LINGO2: variants seen among roughly 807,000 people sequenced by gnomAD.
The protein encoded by LINGO2 is leucine rich repeat and Ig domain containing 2.
In LINGO2, 14 loss-of-function variants were observed where a neutral mutation model predicts 30.6. That is an observed-to-expected ratio of 0.46 (90% CI 0.30 to 0.72). The LOEUF is 0.72. Ranked by LOEUF, LINGO2 falls within the 30% of genes least tolerant of loss-of-function variation. The pLI, the probability that LINGO2 is intolerant of heterozygous loss-of-function variation, is 0.07. For synonymous variants in LINGO2, 317 were observed against 288.5 expected (o/e 1.10, Z -1.00); for missense variants, 729 against 751.7 (o/e 0.97, Z 0.35).
chr9:28,009,950 C>A (rs1368266610), intron 5 of LINGO2, among the ~76,000 whole-genome samples: 1 of 152,006 alleles, frequency 6.6e-6, no homozygotes, highest in South Asian at 2.1e-4. Context: ...TTCATAATAG[C>A]CAAAAAGTAG....
intron 1 of LINGO2, among the ~76,000 whole-genome samples, chr9:28,558,498 G>T (rs1037950564): frequency 1.3e-5 from 2 of 152,026 alleles, no homozygotes; most frequent in African/African-American, 4.8e-5. Context: ...GGGGAATAAA[G>T]TTCTTCTTTT....
the LINGO2 span, among the ~76,000 whole-genome samples, chr9:28,788,145 T>C: frequency 6.6e-6 from 1 of 152,166 alleles, no homozygotes; most frequent in Non-Finnish European, 1.5e-5. Flanking sequence ...AAGACAGATA[T>C]TTCCTTAAGA....
chr9:28,416,991 C>T (rs1822993527), intron 2 of LINGO2, among the ~76,000 whole-genome samples: 1 of 151,972 alleles, frequency 6.6e-6, no homozygotes, highest in Non-Finnish European at 1.5e-5. Flanking sequence ...TAGAAATACA[C>T]AATTTATTGC....
the LINGO2 span, among the ~76,000 whole-genome samples, chr9:28,759,598 C>T: frequency 4.0e-5 from 6 of 151,552 alleles, no homozygotes; most frequent in Non-Finnish European, 5.9e-5. Flanking sequence ...AGGAGAATGG[C>T]GTGAACCCGG....
chr9:27,987,031 G>A (rs1353834449), intron 5 of LINGO2, among the ~76,000 whole-genome samples: 1 of 151,308 alleles, frequency 6.6e-6, no homozygotes, highest in Non-Finnish European at 1.5e-5. Context: ...ACTTATGGTC[G>A]ACTTTTTTTT....
chr9:29,122,319 C>T, the LINGO2 span, among the ~76,000 whole-genome samples: 1 of 151,900 alleles, frequency 6.6e-6, no homozygotes, highest in Non-Finnish European at 1.5e-5. Context: ...GTATACAATA[C>T]TTTTTACTCT....
At chr9:28,720,451 C>T in the LINGO2 span, among the ~76,000 whole-genome samples, 1 of 152,062 alleles carries the variant, frequency 6.6e-6, no homozygotes, top group Non-Finnish European at 1.5e-5. Context: ...GACTGTGCCA[C>T]CAATCTGAAT....
At chr9:28,420,066 A>G (rs1308673394) in intron 2 of LINGO2, among the ~76,000 whole-genome samples, 1 of 152,120 alleles carries the variant, frequency 6.6e-6, no homozygotes. Context: ...ACTGAGGAAG[A>G]ATAGAATTCA....
the LINGO2 span, among the ~76,000 whole-genome samples, chr9:28,731,241 G>A: frequency 1.3e-5 from 2 of 151,956 alleles, no homozygotes; most frequent in African/African-American, 4.8e-5. Flanking sequence ...CACCCGCCTC[G>A]GCCTCCCAAG....
chr9:28,162,548 A>T (rs1222606653), intron 4 of LINGO2, among the ~76,000 whole-genome samples: 2 of 152,154 alleles, frequency 1.3e-5, no homozygotes, highest in Non-Finnish European at 2.9e-5. Flanking sequence ...TGAAGGATAA[A>T]ATGCTTGAGA....
intron 1 of LINGO2, among the ~76,000 whole-genome samples, chr9:28,652,517 C>T (rs1438472): frequency 0.38 from 57,023 of 151,816 alleles, 11,970 homozygotes; most frequent in African/African-American, 0.55. Context: ...GTTTCCAATA[C>T]ATACAGGTTC....
At chr9:28,461,057 T>C (rs868551929) in intron 2 of LINGO2, among the ~76,000 whole-genome samples, 4 of 152,276 alleles carry the variant, frequency 2.6e-5, no homozygotes, top group Middle Eastern at 6.8e-3. Context: ...GTCTTTCTTC[T>C]TTATCATCAT....
chr9:29,126,459 C>G, the LINGO2 span, among the ~76,000 whole-genome samples: 1 of 152,006 alleles, frequency 6.6e-6, no homozygotes, highest in African/African-American at 2.4e-5. Flanking sequence ...TTTTGGGGTA[C>G]TTATGAAATT....
At chr9:29,162,370 A>G in the LINGO2 span, among the ~76,000 whole-genome samples, 1 of 152,228 alleles carries the variant, frequency 6.6e-6, no homozygotes, top group East Asian at 1.9e-4. Flanking sequence ...CACTTTATGA[A>G]TTCATGTTTG....
chr9:28,363,645 C>T (rs1316237299), intron 3 of LINGO2, among the ~76,000 whole-genome samples: 2 of 152,064 alleles, frequency 1.3e-5, no homozygotes, highest in East Asian at 1.9e-4. Flanking sequence ...AGCGGAGTCA[C>T]TATCTTTAGC....
At chr9:28,411,157 AT>A (rs5897297) in intron 2 of LINGO2, among the ~76,000 whole-genome samples, 63,255 of 151,562 alleles carry the variant, frequency 0.42, 13,476 homozygotes, top group African/African-American at 0.46. Context: ...AAATGTATGG[AT>A]TTTTTTTTAA....
chr9:28,756,713 T>C, the LINGO2 span, among the ~76,000 whole-genome samples: 5 of 151,966 alleles, frequency 3.3e-5, no homozygotes, highest in Admixed American at 6.5e-5. Context: ...ATGGTTCTGA[T>C]GGTTTTATTA....
intron 5 of LINGO2, among the ~76,000 whole-genome samples, chr9:28,009,889 AC>A (rs1359571679): frequency 8.5e-5 from 13 of 152,238 alleles, no homozygotes; most frequent in Non-Finnish European, 1.6e-4. Context: ...AAGAGAAGTA[AC>A]AATAAATATC....
intron 1 of LINGO2, among the ~76,000 whole-genome samples, chr9:28,602,831 C>CA (rs1276551394): frequency 1.1e-4 from 17 of 152,038 alleles, no homozygotes; most frequent in Middle Eastern, 3.2e-3. Flanking sequence ...ACATCTGTGT[C>CA]ACAAAACAAT....
Sources: allele counts gnomAD v4.1 joint callset (sites outside exome capture counted in the v4.1 genomes callset), GRCh38; gene constraint gnomAD v4.1.1; transcripts MANE v1.5; gene names NCBI Gene and HGNC (gene_info 2026-07-23, HGNC 2026-07-21).